RFX4: variants seen among roughly 807,000 people sequenced by gnomAD.
RFX4 encodes regulatory factor X4.
Under a neutral mutation model 95.0 loss-of-function variants are expected in RFX4, and 10 were observed. That is an observed-to-expected ratio of 0.11 (90% CI 0.06 to 0.18). RFX4 has a LOEUF of 0.18. RFX4 is among the 10% of genes least tolerant of loss of function. The pLI is 1.00. For missense variants in RFX4, 640 were observed against 922.0 expected, an observed-to-expected ratio of 0.69 and a Z score of 3.96; for synonymous variants, 321 against 340.7, an observed-to-expected ratio of 0.94 and a Z score of 0.64.
intron 8 of RFX4, 80 bp downstream of exon 8, chr12:106,696,526 C>T (rs965701032): frequency 2.6e-5 from 39 of 1,518,634 alleles, no homozygotes; most frequent in South Asian, 1.2e-5. Flanking sequence ...TGATTATAAT[C>T]ATGCACTGTC....
chr12:106,598,420 T>TA, intron 1 of RFX4, among the ~76,000 whole-genome samples: 1 of 152,004 alleles, frequency 6.6e-6, no homozygotes, highest in Non-Finnish European at 1.5e-5. Flanking sequence ...TTGCTAGAGT[T>TA]ACAGTTCTCT....
At chr12:106,612,188 A>T (rs2039974469) in intron 2 of RFX4, among the ~76,000 whole-genome samples, 2 of 152,246 alleles carry the variant, frequency 1.3e-5, no homozygotes, top group South Asian at 4.1e-4. Context: ...GAATCTGTAG[A>T]TTGCTTTGGA....
intron 4 of RFX4, 41 bp downstream of exon 4, chr12:106,654,392 A>T (rs754497628): frequency 6.3e-7 from 1 of 1,581,500 alleles, no homozygotes; most frequent in Non-Finnish European, 8.6e-7. Flanking sequence ...CTACCACCCC[A>T]ACTTTAAGTA....
chr12:106,735,328 A>C (rs1396503367), intron 15 of RFX4, among the ~76,000 whole-genome samples: 2 of 152,144 alleles, frequency 1.3e-5, no homozygotes, highest in Middle Eastern at 3.2e-3. Context: ...TTCATTTAAT[A>C]AGTGTTCCAG....
rs184385731 is a variant in RFX4, at chr12:106,587,536, T to G, written c.43+4173T>G. Among the ~76,000 whole-genome samples, 35 of 152,268 alleles carry G rather than the reference T, an allele frequency of 2.3e-4. 1 individual carries two copies. In the East Asian group the frequency reaches 6.2e-3, roughly 27 times the overall value. On this transcript the variant is annotated intron_variant, in intron 1 of 17. Transcript: ENST00000392842. ...CTGGACCATCCTGCTTCCCAGAGGC[T>G]CCGAGGTCTCTAATTTCTCTCCAGC...
intron 13 of RFX4, among the ~76,000 whole-genome samples, chr12:106,724,193 A>C (rs1446599134): frequency 6.6e-6 from 1 of 152,246 alleles, no homozygotes; most frequent in Non-Finnish European, 1.5e-5. Flanking sequence ...AATGATGACT[A>C]TTATAAGAAA....
intron 8 of RFX4, among the ~76,000 whole-genome samples, chr12:106,707,852 A>G (rs2042115707): frequency 6.6e-6 from 1 of 152,136 alleles, no homozygotes; most frequent in African/African-American, 2.4e-5. Flanking sequence ...AATGAGCAGG[A>G]CTGGGCATAG....
At chr12:106,734,156 CAG>C (rs1251916412) in intron 15 of RFX4, among the ~76,000 whole-genome samples, 1 of 152,080 alleles carries the variant, frequency 6.6e-6, no homozygotes, top group East Asian at 1.9e-4. Context: ...TGGTGAATGT[CAG>C]GGGCTGGAGG....
intron 1 of RFX4, among the ~76,000 whole-genome samples, chr12:106,598,553 T>A (rs762845326): frequency 6.6e-6 from 1 of 152,190 alleles, no homozygotes; most frequent in Non-Finnish European, 1.5e-5. Flanking sequence ...TATTTTAAAA[T>A]GTAATTTCTG....
chr12:106,585,068 T>C (rs1272612931), intron 1 of RFX4, among the ~76,000 whole-genome samples: 1 of 152,218 alleles, frequency 6.6e-6, no homozygotes, highest in African/African-American at 2.4e-5. Flanking sequence ...AACCCTAACA[T>C]TAAAAATGAA....
At chr12:106,603,037 A>G in intron 1 of RFX4, among the ~76,000 whole-genome samples, 1 of 152,248 alleles carries the variant, frequency 6.6e-6, no homozygotes, top group East Asian at 1.9e-4. Context: ...TGTCCTGTTG[A>G]ATAGCTTTTG....
chr12:106,696,239 G>A (rs368223259), intron 7 of RFX4, 44 bp from the exon 8 acceptor site: 5 of 1,608,696 alleles, frequency 3.1e-6, no homozygotes, highest in Non-Finnish European at 4.2e-6. Flanking sequence ...TGTTGGGAGG[G>A]CCCTGGGTAA....
intron 4 of RFX4, among the ~76,000 whole-genome samples, chr12:106,657,434 G>A (rs746513321): frequency 5.9e-5 from 9 of 152,242 alleles, no homozygotes; most frequent in African/African-American, 1.2e-4. Context: ...CCATTGCTTC[G>A]CTGCAAGTAA....
intron 1 of RFX4, among the ~76,000 whole-genome samples, chr12:106,587,644 G>A (rs562947820): frequency 1.1e-3 from 162 of 152,224 alleles, no homozygotes; most frequent in Non-Finnish European, 1.8e-3. Flanking sequence ...CCCCTCACCC[G>A]TCCGGAGGTT....
intron 15 of RFX4, among the ~76,000 whole-genome samples, chr12:106,743,043 A>G (rs2042833288): frequency 6.6e-6 from 1 of 152,198 alleles, no homozygotes; most frequent in African/African-American, 2.4e-5. Flanking sequence ...TGGGAGGGGA[A>G]GAAAATGTTC....
chr12:106,678,502 C>T (rs552157246), intron 4 of RFX4, among the ~76,000 whole-genome samples: 3 of 152,162 alleles, frequency 2.0e-5, no homozygotes, highest in South Asian at 4.2e-4. Flanking sequence ...AAAAAAATAA[C>T]AACACTATAA....
chr12:106,741,662 C>T (rs1443868325), intron 15 of RFX4, among the ~76,000 whole-genome samples: 1 of 152,124 alleles, frequency 6.6e-6, no homozygotes, highest in Non-Finnish European at 1.5e-5. Flanking sequence ...AAACAAAAGG[C>T]GTAGGTTAGG....
chr12:106,719,286 T>A (rs1270143480), intron 11 of RFX4, among the ~76,000 whole-genome samples: 1 of 152,214 alleles, frequency 6.6e-6, no homozygotes, highest in Non-Finnish European at 1.5e-5. Context: ...ACCTACTACA[T>A]GCCACACAGA....
At chr12:106,655,222 A>G (rs2137322310) in intron 4 of RFX4, among the ~76,000 whole-genome samples, 1 of 152,338 alleles carries the variant, frequency 6.6e-6, no homozygotes, top group African/African-American at 2.4e-5. Context: ...GCCACCCTGG[A>G]GAGCCCAAAA....
Sources: gnomAD v4.1 joint callset for allele counts (sites outside exome capture counted in the v4.1 genomes callset) on GRCh38, gnomAD v4.1.1 for gene constraint, MANE v1.5 for transcripts, NCBI Gene and HGNC (gene_info 2026-07-23, HGNC 2026-07-21) for gene names.